GLI2: variants seen among roughly 807,000 people sequenced by gnomAD.
GLI2 encodes the protein GLI family zinc finger 2.
In GLI2, 22 loss-of-function variants were observed where a neutral mutation model predicts 78.9. The observed-to-expected ratio is 0.28, with a 90% CI of 0.20 to 0.40. GLI2 has a LOEUF of 0.40. Among genes scored for constraint, GLI2 ranks in the 10% least tolerant of loss-of-function variants. The probability of loss-of-function intolerance (pLI) is 1.00; values close to 1 mark genes in which losing one functional copy is unlikely to be tolerated. For missense variants in GLI2, 2,097 were observed against 2,213.2 expected (o/e 0.95, Z 1.05); for synonymous variants, 974 against 963.7 (o/e 1.01, Z -0.20).
intron 6 of GLI2, 91 bp downstream of exon 6, chr2:120,969,006 C>T: frequency 1.1e-6 from 1 of 927,890 alleles, no homozygotes; most frequent in Non-Finnish European, 1.7e-6. Flanking sequence ...GCGCTTTTGA[C>T]CCGAGGAGAA....
chr2:120,837,165 C>T (rs565515106), intron 2 of GLI2, among the ~76,000 whole-genome samples: 10 of 152,058 alleles, frequency 6.6e-5, no homozygotes, highest in Non-Finnish European at 8.8e-5. Context: ...GAGGCCGAGG[C>T]GGGCGGATCA....
rs369580183 is a variant in GLI2 at position 120,970,610 on chromosome 2, G to A, written c.1059+4G>A. 6.2e-7 allele frequency: 1 copy of A among 1,612,370 alleles called. No individual in the cohort carries two copies. The highest frequency in any genetic ancestry group is 1.1e-5 in the South Asian group (1 of 91,028). On this transcript the variant is annotated splice_donor_region_variant and intron_variant, in intron 7 of 13. Transcript: ENST00000361492. The stretch of plus-strand genomic sequence containing the variant: ...CTGTCTGAGTGACACCAACCAGGTA[G>A]GTGGGTGCAGGGGCCAGGATGGCCA...
At chr2:120,761,462 C>G (rs1229429716) in intron 1 of GLI2, among the ~76,000 whole-genome samples, 2 of 152,196 alleles carry the variant, frequency 1.3e-5, no homozygotes, top group Admixed American at 1.3e-4. Flanking sequence ...CTGCTTCTCT[C>G]CCTGTTCTTT....
intron 1 of GLI2, among the ~76,000 whole-genome samples, chr2:120,741,295 G>T (rs1381402539): frequency 6.6e-6 from 1 of 152,096 alleles, no homozygotes; most frequent in Non-Finnish European, 1.5e-5. Flanking sequence ...CTTCCCAGAG[G>T]TTTCCTGGGC....
intron 3 of GLI2, among the ~76,000 whole-genome samples, chr2:120,933,313 TG>T (rs1680031333): frequency 6.6e-6 from 1 of 151,450 alleles, no homozygotes; most frequent in East Asian, 1.9e-4. Flanking sequence ...GATGCTCACG[TG>T]GTTCCAGGGG....
At chr2:120,926,446 A>G (rs1679680762) in intron 2 of GLI2, among the ~76,000 whole-genome samples, 1 of 152,170 alleles carries the variant, frequency 6.6e-6, no homozygotes, top group African/African-American at 2.4e-5. Flanking sequence ...ATTTCTTTAA[A>G]ATATTCAGAA....
chr2:120,858,581 T>A (rs1188328159), intron 2 of GLI2, among the ~76,000 whole-genome samples: 2 of 152,230 alleles, frequency 1.3e-5, no homozygotes, highest in African/African-American at 4.8e-5. Flanking sequence ...GACAAGCTGC[T>A]GAGTTGCTGG....
intron 2 of GLI2, among the ~76,000 whole-genome samples, chr2:120,847,619 G>A (rs1213762142): frequency 6.6e-6 from 1 of 151,530 alleles, no homozygotes; most frequent in Non-Finnish European, 1.5e-5. Flanking sequence ...GGGGGTTGGT[G>A]AACTTGGATT....
intron 5 of GLI2, among the ~76,000 whole-genome samples, chr2:120,958,999 A>G (rs1321056450): frequency 6.6e-6 from 1 of 152,242 alleles, no homozygotes; most frequent in East Asian, 1.9e-4. Flanking sequence ...TGGAATGGAA[A>G]GATGCGCTCC....
intron 2 of GLI2, among the ~76,000 whole-genome samples, chr2:120,827,568 G>C (rs1309495659): frequency 6.6e-6 from 1 of 152,216 alleles, no homozygotes; most frequent in Non-Finnish European, 1.5e-5. Context: ...GTAGGGTCCT[G>C]AAGAGATATT....
chr2:120,981,850 T>C (rs1682730598), intron 10 of GLI2, among the ~76,000 whole-genome samples: 1 of 152,166 alleles, frequency 6.6e-6, no homozygotes, highest in African/African-American at 2.4e-5. Flanking sequence ...CCTTTCCTCC[T>C]TCCGTCCTTT....
intron 2 of GLI2, among the ~76,000 whole-genome samples, chr2:120,926,099 A>AAG (rs70954514): frequency 1.3e-5 from 2 of 148,808 alleles, no homozygotes; most frequent in Non-Finnish European, 3.0e-5. Flanking sequence ...AAAAAAAAAA[A>AAG]GATTTAAATG....
rs369899304 is a variant in GLI2 at position 120,989,575 on chromosome 2, T to G, written c.3610T>G (p.Tyr1204Asp). 3.0e-5 allele frequency: 48 copies of G among 1,613,040 alleles called. 1 individual carries two copies. The highest frequency in any genetic ancestry group is 3.8e-5 in the Non-Finnish European group (45 of 1,179,910). Residue 1204 changes from tyrosine to aspartate, a missense_variant, in exon 14 of 14, where the codon TAC becomes GAC. Physicochemically the swap from Tyr to Asp is radical, Grantham distance 160. Around this residue, in one of 5 missense-constraint regions of GLI2, gnomAD observed 1,290 missense variants for 1,261.7 expected, o/e 1.02. Transcript: ENST00000361492. The part of the protein sequence containing the change: ...APSQGIPRVN[Y>D]MQQLRQPVAG... Reference sequence around the variant, plus strand: ...CTCCCAGGGCATCCCCAGGGTAAACTACATGCAGCAGCTGCGACAGCCAGT... The same window carrying G: ...CTCCCAGGGCATCCCCAGGGTAAACGACATGCAGCAGCTGCGACAGCCAGT...
intron 8 of GLI2, among the ~76,000 whole-genome samples, chr2:120,973,792 A>G (rs1478877255): frequency 6.6e-6 from 1 of 152,222 alleles, no homozygotes; most frequent in African/African-American, 2.4e-5. Flanking sequence ...TTTGAGAAAC[A>G]ATCAGGAACC....
chr2:120,836,180 T>G (rs890151794), intron 2 of GLI2, among the ~76,000 whole-genome samples: 3 of 152,178 alleles, frequency 2.0e-5, no homozygotes, highest in East Asian at 3.9e-4. Context: ...TCCATCACCC[T>G]CTTCTATCTC....
chr2:120,884,695 C>T (rs372402158), intron 2 of GLI2, among the ~76,000 whole-genome samples: 2 of 152,276 alleles, frequency 1.3e-5, no homozygotes, highest in Admixed American at 6.5e-5. Context: ...GCAGTTCACC[C>T]GCCCCTAAGC....
Position 120,988,743 on chromosome 2 carries a change from G to C in GLI2, c.2778G>C (p.Gly926=). The C allele has an allele frequency of 1.7e-6, 2 of 1,211,036 alleles. No individual in the cohort carries two copies. Among genetic ancestry groups the C allele is most frequent in the Non-Finnish European group, 2.1e-6 (2 of 972,408 alleles). The allele number at this position is 1,211,036 out of a possible 1,614,324, so 75.0% of individuals were successfully genotyped here. ...RPLGPRRGSD[G]PTYGHGHAGA... Reference sequence around the variant, plus strand: ...TGGGGCCGCGGCGTGGCAGCGACGGGCCGACCTATGGCCACGGCCACGCGG... The same window carrying C: ...TGGGGCCGCGGCGTGGCAGCGACGGCCCGACCTATGGCCACGGCCACGCGG... Residue 926 remains glycine, a synonymous_variant, in exon 14 of 14, where the codon GGG becomes GGC. Transcript: ENST00000361492.
At chr2:120,934,748 G>A (rs967857106) in intron 3 of GLI2, among the ~76,000 whole-genome samples, 6 of 152,168 alleles carry the variant, frequency 3.9e-5, no homozygotes, top group Middle Eastern at 3.2e-3. Context: ...GAGACTGCAT[G>A]TTAATGGGGA....
intron 3 of GLI2, among the ~76,000 whole-genome samples, chr2:120,948,423 G>A (rs924748977): frequency 1.3e-5 from 2 of 152,126 alleles, no homozygotes; most frequent in African/African-American, 4.8e-5. Flanking sequence ...GATGCTTGCG[G>A]TGGGAAGGGG....
Sources: gnomAD v4.1 joint callset for allele counts (sites outside exome capture counted in the v4.1 genomes callset) on GRCh38, gnomAD v4.1.1 for gene constraint, gnomAD v4.1.1 regional missense constraint, MANE v1.5 for transcripts, NCBI Gene and HGNC (gene_info 2026-07-23, HGNC 2026-07-21) for gene names.